ARSF: variants seen among roughly 807,000 people sequenced by gnomAD.
ARSF encodes arylsulfatase F.
In ARSF, 33 loss-of-function variants were observed where a neutral mutation model predicts 35.4. The ratio of observed to expected loss-of-function variants is 0.93; its 90% confidence interval spans 0.71 to 1.25. The LOEUF (loss-of-function observed/expected upper bound fraction) is 1.25, where lower values mean the gene tolerates loss of function less well. Ranked by LOEUF, ARSF falls within the 50% of genes most tolerant of loss-of-function variation. The pLI, the probability that ARSF is intolerant of heterozygous loss-of-function variation, is 0.00. For synonymous variants in ARSF, 222 were observed against 193.1 expected (o/e 1.15, Z -1.24); for missense variants, 501 against 480.2 (o/e 1.04, Z -0.40).
At chrX:3,068,313 G>A (rs1262427877) in intron 2 of ARSF, among the ~76,000 whole-genome samples, 6 of 111,484 alleles carry the variant, frequency 5.4e-5, no homozygotes, top group Non-Finnish European at 1.1e-4. Context: ...TCATTCTCTC[G>A]ACTTAGTAAG....
At chrX:3,055,342 C>CAAAAAAAAAAAAAAAA (rs770014108) in intron 1 of ARSF, among the ~76,000 whole-genome samples, 54 of 32,438 alleles carry the variant, frequency 1.7e-3, no homozygotes, top group South Asian at 6.0e-3. Context: ...AACTCCATTT[C>CAAAAAAAAAAAAAAAA]AAAAAAAAAA....
intron 2 of ARSF, among the ~76,000 whole-genome samples, chrX:3,068,645 G>C (rs2090082611): frequency 9.0e-6 from 1 of 110,636 alleles, no homozygotes; most frequent in African/African-American, 3.3e-5. Flanking sequence ...GGTTGGTCTT[G>C]AACTCCTGGG....
intron 1 of ARSF, among the ~76,000 whole-genome samples, chrX:3,057,383 T>G (rs2090023006): frequency 9.0e-6 from 1 of 110,959 alleles, no homozygotes; most frequent in South Asian, 3.9e-4. Context: ...CCTGGAAGAG[T>G]AGGTGGTTCT....
chrX:3,080,158 C>T (rs961234325), intron 4 of ARSF, among the ~76,000 whole-genome samples: 1 of 110,730 alleles, frequency 9.0e-6, no homozygotes, highest in Non-Finnish European at 1.9e-5. Flanking sequence ...TCTGCTGACA[C>T]TGACTTTGGA....
At chrX:3,078,709 AG>A (rs1181555558) in intron 4 of ARSF, among the ~76,000 whole-genome samples, 3 of 111,360 alleles carry the variant, frequency 2.7e-5, no homozygotes, top group African/African-American at 9.8e-5. Flanking sequence ...CATGTTAACC[AG>A]GCTGGTCTTG....
intron 6 of ARSF, 128 bp downstream of exon 6, chrX:3,084,794 AAT>A: frequency 3.1e-6 from 2 of 644,929 alleles, no homozygotes; most frequent in Non-Finnish European, 4.3e-6. Flanking sequence ...GCTAAAAGAG[AAT>A]AAGTCAAATG....
chrX:3,088,079 ACTTAT>A (rs1389134121), intron 6 of ARSF, among the ~76,000 whole-genome samples: 1 of 111,847 alleles, frequency 8.9e-6, no homozygotes, highest in Non-Finnish European at 1.9e-5. Flanking sequence ...GTAGCTGAGG[ACTTAT>A]CATTCATGCA....
At chrX:3,079,415 G>A (rs926469199) in intron 4 of ARSF, among the ~76,000 whole-genome samples, 2 of 102,172 alleles carry the variant, frequency 2.0e-5, no homozygotes, top group African/African-American at 7.2e-5. Flanking sequence ...GCGCAATCTC[G>A]GCTCACTGCA....
At chrX:3,063,685 T>C (rs2090051672) in intron 1 of ARSF, among the ~76,000 whole-genome samples, 1 of 111,627 alleles carries the variant, frequency 9.0e-6, no homozygotes, top group African/African-American at 3.3e-5. Flanking sequence ...AGCCAAATCA[T>C]GAGTGAACTC....
chrX:3,110,395 A>G, intron 10 of ARSF, 143 bp downstream of exon 10: 1 of 688,033 alleles, frequency 1.5e-6, no homozygotes. Context: ...GAAGTTTCTC[A>G]GAATTGCTCT....
At chrX:3,055,243 G>T (rs1289369354) in intron 1 of ARSF, among the ~76,000 whole-genome samples, 2 of 104,230 alleles carry the variant, frequency 1.9e-5, no homozygotes, top group African/African-American at 7.0e-5. Flanking sequence ...TCGGAAGGCT[G>T]AGGCAAGAGT....
intron 1 of ARSF, among the ~76,000 whole-genome samples, chrX:3,048,186 C>T (rs1305748690): frequency 9.0e-6 from 1 of 111,656 alleles, no homozygotes; most frequent in Non-Finnish European, 1.9e-5. Flanking sequence ...TCACCGAGGT[C>T]ATAGTGTGAA....
intron 4 of ARSF, among the ~76,000 whole-genome samples, chrX:3,078,459 G>C (rs1484842297): frequency 9.0e-6 from 1 of 111,411 alleles, no homozygotes; most frequent in East Asian, 2.8e-4. Context: ...TGGGATTACA[G>C]GCATGAGCAA....
intron 1 of ARSF, among the ~76,000 whole-genome samples, chrX:3,058,780 G>A (rs950914101): frequency 1.8e-5 from 2 of 111,605 alleles, no homozygotes; most frequent in Non-Finnish European, 3.8e-5. Context: ...AGGATCTTTC[G>A]AGCTTAGGAG....
At chrX:3,079,970 C>CAAAAAAAAAA (rs1224175073) in intron 4 of ARSF, among the ~76,000 whole-genome samples, 113 of 28,365 alleles carry the variant, frequency 4.0e-3, no homozygotes, top group African/African-American at 6.0e-3. Flanking sequence ...ACAACAACAA[C>CAAAAAAAAAA]AAAAAAAAAA....
At chrX:3,089,653 GGACA>G (rs760236689) in intron 7 of ARSF, 21 bp downstream of exon 7, 1 of 1,208,068 alleles carries the variant, frequency 8.3e-7, no homozygotes. Context: ...GGACTTAAGT[GGACA>G]GAAACTAACG....
chrX:3,104,424 AT>A (rs1399539793), intron 9 of ARSF, among the ~76,000 whole-genome samples: 3 of 111,999 alleles, frequency 2.7e-5, no homozygotes, highest in African/African-American at 9.7e-5. Flanking sequence ...GATGAATAGT[AT>A]TCCCTTGTGC....
At chrX:3,076,864 G>C (rs779039084) in intron 4 of ARSF, among the ~76,000 whole-genome samples, 195 bp downstream of exon 4, 1 of 111,830 alleles carries the variant, frequency 8.9e-6, no homozygotes, top group South Asian at 3.8e-4. Context: ...GGGCAACAGA[G>C]CAAGACCCCA....
intron 1 of ARSF, among the ~76,000 whole-genome samples, chrX:3,053,956 T>A (rs745353048): frequency 9.1e-6 from 1 of 109,992 alleles, no homozygotes; most frequent in African/African-American, 3.3e-5. Flanking sequence ...GAGACAGGGT[T>A]TCACCATGTT....
Sources: gnomAD v4.1 joint callset for allele counts (sites outside exome capture counted in the v4.1 genomes callset) on GRCh38, gnomAD v4.1.1 for gene constraint, MANE v1.5 for transcripts, NCBI Gene and HGNC (gene_info 2026-07-23, HGNC 2026-07-21) for gene names.